The following DET1 variants were observed in gnomAD, a reference collection of about 807,000 sequenced individuals.
DET1 encodes the protein DET1 partner of COP1 E3 ubiquitin ligase, also known as DET1 homolog.
In DET1, 22 loss-of-function variants were observed where a neutral mutation model predicts 43.7. The ratio of observed to expected loss-of-function variants is 0.50; its 90% CI spans 0.36 to 0.72. The LOEUF (loss-of-function observed/expected upper bound fraction) is 0.72. Ranked by LOEUF, DET1 falls within the 30% of genes least tolerant of loss-of-function variation. The pLI, the probability that DET1 is intolerant of heterozygous loss-of-function variation, is 0.00. For synonymous variants in DET1, 315 were observed against 266.2 expected (o/e 1.18, Z -1.79); for missense variants, 713 against 713.3 (o/e 1.00, Z 0.00).
chr15:88,533,445 T>C (rs578076493), intron 1 of DET1, among the ~76,000 whole-genome samples: 7 of 152,238 alleles, frequency 4.6e-5, no homozygotes, highest in Non-Finnish European at 8.8e-5. Flanking sequence ...AAATCCAAAA[T>C]AACTGAAAGC....
Position 88,513,155 on chromosome 15 carries a change from G to C in DET1, c.1464-15C>G. The stretch of plus-strand genomic sequence containing the variant: ...GGGCATAGAACCTAAAAAGAACAAG[G>C]ACAGAGACAGAGAAAGAGGGGACAG... On this transcript the variant is annotated splice_polypyrimidine_tract_variant and intron_variant, in intron 4 of 4. Coordinates refer to ENST00000268148, the MANE Select transcript of DET1 (RefSeq NM_001144074.3). The C allele has an allele frequency of 3.1e-6, 5 of 1,591,100 alleles. No homozygotes were observed. Among genetic ancestry groups the C allele is most frequent in the South Asian group, 1.1e-5 (1 of 88,420 alleles).
chr15:88,523,693 G>C (rs1289229187), intron 3 of DET1, among the ~76,000 whole-genome samples: 1 of 152,154 alleles, frequency 6.6e-6, no homozygotes, highest in Admixed American at 6.5e-5. Context: ...TGCCCGCCTC[G>C]GCCTCCCGAG....
chr15:88,530,466 A>G (rs1332135142), intron 2 of DET1, among the ~76,000 whole-genome samples, 157 bp downstream of exon 2: 2 of 152,250 alleles, frequency 1.3e-5, no homozygotes, highest in African/African-American at 4.8e-5. Context: ...ACATATGACC[A>G]GAGAAAAATG....
intron 1 of DET1, among the ~76,000 whole-genome samples, chr15:88,544,555 T>C (rs1002670875): frequency 2.0e-5 from 3 of 152,186 alleles, no homozygotes; most frequent in African/African-American, 7.2e-5. Context: ...GTCCTGCCAT[T>C]CGTTCCAGCC....
At chr15:88,511,666 A>G (rs1294708828), downstream of DET1, 1 of 958,704 alleles carries the variant, frequency 1.0e-6, no homozygotes, top group Non-Finnish European at 1.2e-6. Context: ...TGGCATCCTG[A>G]CATAGTTTCC....
At chr15:88,541,589 AT>A (rs1450160810) in intron 1 of DET1, among the ~76,000 whole-genome samples, 2 of 152,178 alleles carry the variant, frequency 1.3e-5, no homozygotes, top group Non-Finnish European at 2.9e-5. Context: ...GTGAAGTAGA[AT>A]GGCCAAGGTT....
intron 3 of DET1, among the ~76,000 whole-genome samples, chr15:88,524,104 T>C (rs969674058): frequency 2.8e-4 from 40 of 145,156 alleles, no homozygotes; most frequent in South Asian, 4.5e-4. Flanking sequence ...CCATCTGGGA[T>C]GTGAGGAGTG....
At chr15:88,507,823 G>C (rs1157869367), downstream of DET1, among the ~76,000 whole-genome samples, 2 of 152,222 alleles carry the variant, frequency 1.3e-5, no homozygotes, top group South Asian at 2.1e-4. Context: ...TGATTACCTA[G>C]AACAGGGGTC....
At chr15:88,509,819 A>G (rs1413926315), downstream of DET1, among the ~76,000 whole-genome samples, 1 of 152,232 alleles carries the variant, frequency 6.6e-6, no homozygotes, top group Non-Finnish European at 1.5e-5. Flanking sequence ...CCAACGGAAC[A>G]TGAAGGGGAG....
chr15:88,508,741 C>T (rs2056167988), downstream of DET1, among the ~76,000 whole-genome samples: 1 of 152,012 alleles, frequency 6.6e-6, no homozygotes, highest in Non-Finnish European at 1.5e-5. Context: ...AGGAAATGGG[C>T]CACAGGGAAG....
chr15:88,503,203 G>C (rs774647291), intron 8 of DET1: 2 of 152,174 alleles, frequency 1.3e-5, no homozygotes, highest in African/African-American at 2.4e-5. Flanking sequence ...GGCGGCGGTT[G>C]CAAGAGCTGA....
intron 1 of DET1, among the ~76,000 whole-genome samples, chr15:88,533,114 T>C (rs1237594940): frequency 6.6e-6 from 1 of 152,150 alleles, no homozygotes; most frequent in Admixed American, 6.6e-5. Context: ...TACCCAATTT[T>C]AAAATGGTCA....
intron 1 of DET1, among the ~76,000 whole-genome samples, chr15:88,542,912 A>G (rs1485467972): frequency 6.6e-6 from 1 of 152,138 alleles, no homozygotes; most frequent in Non-Finnish European, 1.5e-5. Flanking sequence ...AAGTCAGAAA[A>G]CAAAAAGTTC....
At chr15:88,501,945 A>C (rs1336790852) in intron 8 of DET1, 1 of 152,206 alleles carries the variant, frequency 6.6e-6, no homozygotes, top group African/African-American at 2.4e-5. Context: ...TTTTTATTTC[A>C]GCAGCTTTTG....
At chr15:88,527,047 C>T (rs190474781) in intron 3 of DET1, among the ~76,000 whole-genome samples, 95 of 152,330 alleles carry the variant, frequency 6.2e-4, no homozygotes, top group African/African-American at 2.2e-3. Context: ...CTGAGGTATG[C>T]TAAGTCAGTT....
chr15:88,545,677 A>G (rs1042414563), intron 1 of DET1, among the ~76,000 whole-genome samples: 1 of 103,980 alleles, frequency 9.6e-6, no homozygotes, highest in African/African-American at 4.1e-5. Context: ...CCTTGTTAAA[A>G]CTGAGGAATC....
intron 1 of DET1, among the ~76,000 whole-genome samples, chr15:88,532,252 G>A (rs116918808): frequency 2.2e-3 from 331 of 152,254 alleles, no homozygotes; most frequent in Non-Finnish European, 2.7e-3. Context: ...GCAATAAGCC[G>A]TGGTCACAAC....
chr15:88,516,838 A>G lies in DET1; in HGVS notation c.1407T>C (p.Asp469=), dbSNP rs1206835041. 3.7e-6 allele frequency: 6 copies of G among 1,609,802 alleles called. No homozygotes were observed. Among genetic ancestry groups the G allele is most frequent in the Non-Finnish European group, 5.1e-6 (6 of 1,178,328 alleles). Residue 469 remains aspartate, a synonymous_variant, in exon 4 of 5, where the codon GAT becomes GAC. Transcript: ENST00000268148. This position sits in a 1 kb window ranked among gnomAD's most constrained non-coding sequence, Gnocchi z 4.4. ...GCTCCATGACAGATACCCACTTGTC[A>G]TCATAACTGAAGAGAGACAAATCCA... ...PYLDLSLFSY[D]DKWVSVMERP... is the part of the protein sequence containing the mutation.
At chr15:88,513,963 C>G (rs1172053346) in intron 4 of DET1, among the ~76,000 whole-genome samples, 2 of 150,210 alleles carry the variant, frequency 1.3e-5, no homozygotes, top group Non-Finnish European at 3.0e-5. Context: ...CCACGCCCGG[C>G]TAATTTTTTG....
Sources: gnomAD v4.1 joint callset for allele counts (sites outside exome capture counted in the v4.1 genomes callset) on GRCh38, gnomAD v4.1.1 for gene constraint, Gnocchi (gnomAD v3.1) non-coding constraint, MANE v1.5 for transcripts, NCBI Gene and HGNC (gene_info 2026-07-23, HGNC 2026-07-21) for gene names.